MAP3K8: variants seen among roughly 807,000 people sequenced by gnomAD.
MAP3K8 encodes mitogen-activated protein kinase kinase kinase 8, also known as Ewing sarcoma transformant.
Under a neutral mutation model 45.8 loss-of-function variants are expected in MAP3K8, and 22 were observed. The ratio of observed to expected loss-of-function variants is 0.48; its 90% CI spans 0.34 to 0.69. The LOEUF (loss-of-function observed/expected upper bound fraction) is 0.69. MAP3K8 is among the 30% of genes least tolerant of loss of function. The probability of loss-of-function intolerance (pLI) is 0.01; values close to 1 mark genes in which losing one functional copy is unlikely to be tolerated. For synonymous variants in MAP3K8, 223 were observed against 214.3 expected (o/e 1.04, Z -0.36); for missense variants, 419 against 585.0 (o/e 0.72, Z 2.93).
chr10:30,447,882 G>A lies in MAP3K8; in HGVS notation c.437G>A (p.Arg146Gln), dbSNP rs143041571. 117 of 1,613,754 alleles carry A rather than the reference G, an allele frequency of 7.3e-5. 1 individual carries two copies. In the East Asian group the frequency reaches 2.2e-3, roughly 30 times the overall value. ...YRNIGSDFIP[R>Q]GAFGKVYLAQ... ...AATATTGGTTCTGATTTTATTCCTCGGGGCGCCTTTGGAAAGGTATACTTG... is the reference window on the plus strand; with the variant it reads ...AATATTGGTTCTGATTTTATTCCTCAGGGCGCCTTTGGAAAGGTATACTTG... Residue 146 changes from arginine to glutamine, a missense_variant, in exon 4 of 9, where the codon CGG becomes CAG. Arg to Gln is a conservative substitution (Grantham distance 43, BLOSUM62 1). Around this residue, in one of 3 missense-constraint regions of MAP3K8, gnomAD observed 209 missense variants for 367.3 expected, o/e 0.57. Coordinates refer to ENST00000263056, the MANE Select transcript of MAP3K8 (RefSeq NM_005204.4).
intron 3 of MAP3K8, among the ~76,000 whole-genome samples, chr10:30,444,418 G>T (rs1447613611): frequency 6.6e-6 from 1 of 151,914 alleles, no homozygotes; most frequent in Middle Eastern, 3.4e-3. Flanking sequence ...AGCTGAGATC[G>T]CCCCATTGCA....
intron 1 of MAP3K8, chr10:30,434,722 G>T: frequency 2.0e-6 from 2 of 985,546 alleles, no homozygotes; most frequent in South Asian, 4.7e-5. Flanking sequence ...CCGCCTGGAC[G>T]GCCGCACTCT....
At chr10:30,435,038 CG>C (rs8176955) in intron 1 of MAP3K8, among the ~76,000 whole-genome samples, 78 of 152,196 alleles carry the variant, frequency 5.1e-4, no homozygotes, top group African/African-American at 1.7e-3. Flanking sequence ...TGTTTTCGAG[CG>C]ATAGTGCATG....
rs556663265 is a variant in MAP3K8, at chr10:30,451,024, G to A, written c.766+505G>A. On this transcript the variant is annotated intron_variant, in intron 5 of 8. Coordinates refer to ENST00000263056, the MANE Select transcript of MAP3K8 (RefSeq NM_005204.4). ...GGGGAATCATTTGAATCTGGGAGGCGGAGGTTGCAGTGAGCTGAGATGGCG... is the reference window on the plus strand; with the variant it reads ...GGGGAATCATTTGAATCTGGGAGGCAGAGGTTGCAGTGAGCTGAGATGGCG... Among the ~76,000 whole-genome samples the A allele has an allele frequency of 4.0e-5, 6 of 151,070 alleles. No homozygotes were observed. The South Asian group carries it at 6.3e-4, about 16-fold the overall frequency.
At chr10:30,446,938 A>G (rs919648169) in intron 3 of MAP3K8, among the ~76,000 whole-genome samples, 1 of 152,176 alleles carries the variant, frequency 6.6e-6, no homozygotes, top group African/African-American at 2.4e-5. Context: ...TTCTGTAGAA[A>G]TGAAGTCTCG....
rs1283663110 is a variant in MAP3K8 at position 30,447,963 on chromosome 10, A to G, written c.504+14A>G. 6.3e-7 allele frequency: 1 copy of G among 1,594,422 alleles called. No individual in the cohort carries two copies. The highest frequency in any genetic ancestry group is 8.5e-7 in the Non-Finnish European group (1 of 1,173,592). The stretch of plus-strand genomic sequence containing the variant: ...GCGTGTAAACTGGTATGTGTTTTCT[A>G]CCTAGATAACCCACACTGTGTGTTT... On this transcript the variant is annotated intron_variant, in intron 4 of 8. Coordinates refer to ENST00000263056, the MANE Select transcript of MAP3K8 (RefSeq NM_005204.4).
rs559285720 is a variant in MAP3K8 at position 30,437,280 on chromosome 10, T to A, written c.-150T>A. Reference sequence around the variant, plus strand: ...GTATCTGCAAAGCCAGGAGTCTGACTCAGTACTTTTCTCACTCATGCATAC... The same window carrying A: ...GTATCTGCAAAGCCAGGAGTCTGACACAGTACTTTTCTCACTCATGCATAC... On this transcript the variant is annotated 5_prime_UTR_variant, in exon 2 of 9. Coordinates refer to ENST00000263056, the MANE Select transcript of MAP3K8 (RefSeq NM_005204.4). 11 of 985,282 alleles carry A rather than the reference T, an allele frequency of 1.1e-5. No homozygotes were observed. The highest frequency in any genetic ancestry group is 1.3e-5 in the Non-Finnish European group (11 of 829,930). The allele number at this position is 985,282 out of a possible 1,614,324, so 61.0% of individuals were successfully genotyped here.
chr10:30,458,808 C>T (rs904807074), intron 7 of MAP3K8, among the ~76,000 whole-genome samples: 2 of 152,206 alleles, frequency 1.3e-5, no homozygotes, highest in African/African-American at 2.4e-5. Flanking sequence ...AGCACGGTGG[C>T]TCACGCCTGT....
intron 3 of MAP3K8, among the ~76,000 whole-genome samples, chr10:30,444,372 A>C (rs7905559): frequency 0.11 from 16,129 of 152,174 alleles, 1,076 homozygotes; most frequent in Middle Eastern, 0.16. Context: ...CTGAGACAGG[A>C]GAATCGCTTG....
intron 3 of MAP3K8, among the ~76,000 whole-genome samples, chr10:30,440,519 C>G (rs1465298814): frequency 1.3e-5 from 2 of 152,156 alleles, no homozygotes; most frequent in Non-Finnish European, 2.9e-5. Context: ...TCAACCATAG[C>G]TCACAATGGA....
intron 1 of MAP3K8, among the ~76,000 whole-genome samples, chr10:30,435,002 A>G (rs1210147144): frequency 6.6e-6 from 1 of 151,854 alleles, no homozygotes; most frequent in Non-Finnish European, 1.5e-5. Flanking sequence ...ATACTAGGAG[A>G]AAAAAAAAGT....
chr10:30,455,472 C>A (rs1836701383), intron 6 of MAP3K8, among the ~76,000 whole-genome samples: 1 of 152,194 alleles, frequency 6.6e-6, no homozygotes, highest in Non-Finnish European at 1.5e-5. Context: ...GTATTCAGAG[C>A]ATTCTATTGT....
chr10:30,438,539 G>C (rs1198654873), intron 2 of MAP3K8, among the ~76,000 whole-genome samples: 1 of 152,190 alleles, frequency 6.6e-6, no homozygotes, highest in Non-Finnish European at 1.5e-5. Context: ...GAATAGCTGG[G>C]TTGTGTAAGG....
rs371069432 is a variant in MAP3K8 at position 30,460,341 on chromosome 10, C to T, written c.1274-365C>T. Among the ~76,000 whole-genome samples the T allele has an allele frequency of 1.8e-4, 27 of 152,308 alleles. 1 individual carries two copies. The South Asian group carries it at 4.8e-3, about 27-fold the overall frequency. On this transcript the variant is annotated intron_variant, in intron 8 of 8. Transcript: ENST00000263056. The stretch of plus-strand genomic sequence containing the variant: ...ATTGAATATGCATAAAGAGGGATTT[C>T]CATTTTTATTAAAAGTCTGTGGCAT...
chr10:30,452,188 G>A (rs540458521), intron 6 of MAP3K8, among the ~76,000 whole-genome samples: 1 of 152,008 alleles, frequency 6.6e-6, no homozygotes, highest in African/African-American at 2.4e-5. Flanking sequence ...AACTGGTTTA[G>A]GCTGGGCACG....
At chr10:30,452,469 CA>C (rs796836376) in intron 6 of MAP3K8, among the ~76,000 whole-genome samples, 259 of 134,704 alleles carry the variant, frequency 1.9e-3, no homozygotes, top group African/African-American at 1.5e-3. Context: ...AACTCCATCT[CA>C]AAAAAAAAAA....
At chr10:30,445,354 C>T (rs1378976410) in intron 3 of MAP3K8, among the ~76,000 whole-genome samples, 1 of 152,088 alleles carries the variant, frequency 6.6e-6, no homozygotes, top group East Asian at 1.9e-4. Context: ...CCAAGATCTG[C>T]CACTCCACTC....
intron 1 of MAP3K8, chr10:30,434,649 G>A (rs1164470013): frequency 2.4e-5 from 24 of 985,440 alleles, no homozygotes; most frequent in East Asian, 2.3e-4. Context: ...CCAGGGCAGT[G>A]CTGGTCTGGG....
intron 4 of MAP3K8, among the ~76,000 whole-genome samples, chr10:30,448,803 G>A (rs951416676): frequency 6.6e-6 from 1 of 152,032 alleles, no homozygotes; most frequent in African/African-American, 2.4e-5. Context: ...CATAAGGTGA[G>A]CATTCACACC....
Sources: allele counts gnomAD v4.1 joint callset (sites outside exome capture counted in the v4.1 genomes callset), GRCh38; gene constraint gnomAD v4.1.1; regional missense constraint gnomAD v4.1.1; transcripts MANE v1.5; gene names NCBI Gene and HGNC (gene_info 2026-07-23, HGNC 2026-07-21).